Variants in TUBB1 observed in about 807,000 individuals in gnomAD.
TUBB1 encodes the protein tubulin beta 1 class VI.
In TUBB1, 28 loss-of-function variants were observed where a neutral mutation model predicts 22.6. The observed-to-expected ratio is 1.24, with a 90% CI of 0.92 to 1.70. The LOEUF is 1.70. Ranked by LOEUF, TUBB1 falls within the 40% of genes most tolerant of loss-of-function variation. The pLI is 0.00. For missense variants in TUBB1, 577 were observed against 605.5 expected, an observed-to-expected ratio of 0.95 and a Z score of 0.49; for synonymous variants, 226 against 238.0, an observed-to-expected ratio of 0.95 and a Z score of 0.46.
chr20:59,018,602 T>C (rs568939597), upstream of TUBB1, among the ~76,000 whole-genome samples: 2 of 152,192 alleles, frequency 1.3e-5, no homozygotes, highest in Admixed American at 6.5e-5. Flanking sequence ...AGAGATGGGG[T>C]TTCGCCATGT....
rs565576142 is a variant in TUBB1, at chr20:59,025,282, G to A, written c.*499G>A. 57 of 221,398 alleles carry A rather than the reference G, an allele frequency of 2.6e-4. No individual in the cohort carries two copies. The highest frequency in any genetic ancestry group is 3.8e-3 in the Middle Eastern group (2 of 520). 13.7% of individuals were successfully genotyped at this position (221,398 alleles called of 1,614,324 possible). On this transcript the variant is annotated 3_prime_UTR_variant, in exon 4 of 4. Coordinates refer to ENST00000217133, the MANE Select transcript of TUBB1 (RefSeq NM_030773.4). ...CTGCCAGCCTCCAGAAGAGCCAGGTGCCTGACTAGTACATGGGGAGCTACA... is the reference window on the plus strand; with the variant it reads ...CTGCCAGCCTCCAGAAGAGCCAGGTACCTGACTAGTACATGGGGAGCTACA...
chr20:59,020,876 C>T (rs1329302283), intron 1 of TUBB1, among the ~76,000 whole-genome samples: 4 of 152,066 alleles, frequency 2.6e-5, no homozygotes, highest in Non-Finnish European at 5.9e-5. Flanking sequence ...CCAATTGCAC[C>T]GTGCAAAATT....
chr20:59,017,944 C>G (rs866591645), upstream of TUBB1, among the ~76,000 whole-genome samples: 1 of 152,244 alleles, frequency 6.6e-6, no homozygotes, highest in Non-Finnish European at 1.5e-5. Flanking sequence ...AGAATGGGGG[C>G]AACCTCAGGG....
chr20:59,022,480 C>A (rs185101147), intron 1 of TUBB1, among the ~76,000 whole-genome samples: 3 of 152,140 alleles, frequency 2.0e-5, no homozygotes, highest in African/African-American at 7.2e-5. Context: ...GGAATCTACA[C>A]TTTACTAGCT....
In TUBB1 at chr20:59,025,320, A is replaced by G. The variant is rs554983561; in HGVS notation, c.*537A>G. The G allele has an allele frequency of 9.7e-5, 18 of 185,764 alleles. No homozygotes were observed. Among genetic ancestry groups the G allele is most frequent in the African/African-American group, 4.2e-4 (18 of 42,600 alleles). The allele number at this position is 185,764 out of a possible 1,614,324, so 11.5% of individuals were successfully genotyped here. A position where few individuals can be genotyped will look rare whatever the true frequency, so the allele number is the denominator to read the frequency against. ...ATGGGGAGCTACAGAGCCAAGGTCA[A>G]TGTGAGTCAACATCCACTAGAAATA... On this transcript the variant is annotated 3_prime_UTR_variant, in exon 4 of 4. Transcript: ENST00000217133.
At chr20:59,021,181 G>A (rs1379607432) in intron 1 of TUBB1, among the ~76,000 whole-genome samples, 1 of 152,228 alleles carries the variant, frequency 6.6e-6, no homozygotes, top group African/African-American at 2.4e-5. Context: ...CTGCTGCTCT[G>A]AAGCTGGAAG....
chr20:59,019,686 A>G lies in TUBB1; in HGVS notation c.57+107A>G, dbSNP rs146806148. On this transcript the variant is annotated intron_variant, in intron 1 of 3. Transcript: ENST00000217133. ...GGAAGACAATAAGTCTAGCAGATTT[A>G]ATGTACTTGCTAAATATCAGACAAT... 228 of 1,178,684 alleles carry G rather than the reference A, an allele frequency of 1.9e-4. 1 individual carries two copies. The highest frequency in any genetic ancestry group is 2.8e-4 in the Non-Finnish European group (219 of 789,032). The allele number at this position is 1,178,684 out of a possible 1,614,324, so 73.0% of individuals were successfully genotyped here.
Position 59,023,799 on chromosome 20 carries a change from T to A in TUBB1, c.372T>A (p.Ser124Arg). Residue 124 changes from serine to arginine, a missense_variant, in exon 4 of 4, where the codon AGT becomes AGA. Transcript: ENST00000217133. Reference sequence around the variant, plus strand: ...TCCTAGAGGTGGTGAGGCACGAGAGTGAGAGCTGTGACTGCCTGCAGGGCT... The same window carrying A: ...TCCTAGAGGTGGTGAGGCACGAGAGAGAGAGCTGTGACTGCCTGCAGGGCT... ...ENVLEVVRHE[S>R]ESCDCLQGFQ... The A allele has an allele frequency of 6.2e-7, 1 of 1,613,730 alleles. No individual in the cohort carries two copies.
intron 1 of TUBB1, among the ~76,000 whole-genome samples, chr20:59,020,693 G>GT (rs1568688630): frequency 1.3e-5 from 2 of 151,810 alleles, no homozygotes; most frequent in African/African-American, 4.9e-5. Context: ...GAAAATAAAA[G>GT]TTTTTTGTGT....
intron 1 of TUBB1, among the ~76,000 whole-genome samples, chr20:59,021,374 C>A (rs571121516): frequency 2.6e-5 from 4 of 152,284 alleles, no homozygotes; most frequent in Admixed American, 1.3e-4. Flanking sequence ...TCTTCCACTC[C>A]CTGAACAGTG....
At chr20:59,020,037 G>A (rs189784086) in intron 1 of TUBB1, among the ~76,000 whole-genome samples, 116 of 152,030 alleles carry the variant, frequency 7.6e-4, no homozygotes, top group Non-Finnish European at 1.4e-3. Flanking sequence ...CACTATGCCT[G>A]GCTAATTTTT....
upstream of TUBB1, among the ~76,000 whole-genome samples, chr20:59,018,416 T>C (rs2091953572): frequency 1.3e-5 from 2 of 151,968 alleles, no homozygotes; most frequent in Admixed American, 1.3e-4. Context: ...GAATGCTTTT[T>C]TTTTTTTTTC....
rs550207554 is a variant in TUBB1, at chr20:59,025,117, G to C, written c.*334G>C. ...CGTGTGGATTTGCAGGGAGCCACTG[G>C]AGTTGGTGTTACATTTTTATACTTT... On this transcript the variant is annotated 3_prime_UTR_variant, in exon 4 of 4. Transcript: ENST00000217133. The C allele has an allele frequency of 7.9e-6, 3 of 378,108 alleles. No individual in the cohort carries two copies. Among genetic ancestry groups the C allele is most frequent in the African/African-American group, 4.1e-5 (2 of 48,206 alleles). The allele number at this position is 378,108 out of a possible 1,614,324, so 23.4% of individuals were successfully genotyped here. A position where few individuals can be genotyped will look rare whatever the true frequency, so the allele number is the denominator to read the frequency against.
intron 2 of TUBB1, 81 bp from the exon 3 acceptor site, chr20:59,023,409 A>G: frequency 7.7e-7 from 1 of 1,294,562 alleles, no homozygotes; most frequent in Non-Finnish European, 1.1e-6. Flanking sequence ...TTTTTGGACC[A>G]GTATCACAAA....
At chr20:59,019,415 C>G, upstream of TUBB1, 1 of 1,372,434 alleles carries the variant, frequency 7.3e-7, no homozygotes, top group Non-Finnish European at 1.0e-6. Flanking sequence ...GCCAGTCCCA[C>G]CACTGCAGTG....
upstream of TUBB1, among the ~76,000 whole-genome samples, chr20:59,017,194 G>C (rs562568558): frequency 6.6e-6 from 1 of 152,148 alleles, no homozygotes. Flanking sequence ...TCAAGAAATG[G>C]AACACTGATA....
rs1438825148 is a variant in TUBB1 at position 59,023,895 on chromosome 20, A to G, written c.468A>G (p.Arg156=). ...GMGTLLMNKI[R]EEYPDRIMNS... ...GCACTCTGCTCATGAACAAGATTAG[A>G]GAGGAGTACCCGGACCGGATCATGA... Residue 156 remains arginine, a synonymous_variant, in exon 4 of 4, where the codon AGA becomes AGG. Coordinates refer to ENST00000217133, the MANE Select transcript of TUBB1 (RefSeq NM_030773.4). 2 of 1,614,150 alleles carry G rather than the reference A, an allele frequency of 1.2e-6. No individual in the cohort carries two copies. Among genetic ancestry groups the G allele is most frequent in the Admixed American group, 1.7e-5 (1 of 60,020 alleles).
In TUBB1 at chr20:59,020,334, G is replaced by A. The variant is rs150178643; in HGVS notation, c.57+755G>A. The stretch of plus-strand genomic sequence containing the variant: ...CCAGTAGCTGGGATTACAGGCATGC[G>A]CCACCACGTCTGGCTAATTTTGTAT... On this transcript the variant is annotated intron_variant, in intron 1 of 3. Transcript: ENST00000217133. 4.4e-3 allele frequency among the ~76,000 whole-genome samples: 670 copies of A among 152,284 alleles called. 14 individuals carry two copies. Among genetic ancestry groups the A allele is most frequent in the Admixed American group, 0.032 (486 of 15,300 alleles).
intron 1 of TUBB1, among the ~76,000 whole-genome samples, chr20:59,020,399 G>A (rs1482730418): frequency 6.6e-6 from 1 of 152,256 alleles, no homozygotes; most frequent in Non-Finnish European, 1.5e-5. Flanking sequence ...GGTCAGGCTG[G>A]TCTCGAACTC....
Sources: allele counts gnomAD v4.1 joint callset (sites outside exome capture counted in the v4.1 genomes callset), GRCh38; gene constraint gnomAD v4.1.1; transcripts MANE v1.5; gene names NCBI Gene and HGNC (gene_info 2026-07-23, HGNC 2026-07-21).